The following PHLDB2 variants were observed in gnomAD, a reference collection of about 807,000 sequenced individuals.
PHLDB2 encodes the protein pleckstrin homology-like domain family B member 2.
Under a neutral mutation model 123.6 loss-of-function variants are expected in PHLDB2, and 71 were observed. The observed-to-expected ratio is 0.57, with a 90% CI of 0.47 to 0.70. The LOEUF (loss-of-function observed/expected upper bound fraction) is 0.70, where lower values mean the gene tolerates loss of function less well. Ranked by LOEUF, PHLDB2 falls within the 30% of genes least tolerant of loss-of-function variation. The probability of loss-of-function intolerance (pLI) is 0.00; values close to 1 mark genes in which losing one functional copy is unlikely to be tolerated. For synonymous variants in PHLDB2, 547 were observed against 541.6 expected (o/e 1.01, Z -0.14); for missense variants, 1,446 against 1,519.5 (o/e 0.95, Z 0.80).
chr3:111,964,142 T>G (rs2071598752), intron 13 of PHLDB2, among the ~76,000 whole-genome samples: 1 of 152,154 alleles, frequency 6.6e-6, no homozygotes, highest in African/African-American at 2.4e-5. Flanking sequence ...CCATGGGGAT[T>G]AGTTATCTGC....
rs765669908 is a variant in PHLDB2 at position 111,939,618 on chromosome 3, C to T, written c.2274C>T (p.Ile758=). The part of the protein sequence containing the change: ...LREVAEYQRN[I]VSRKEKISAL... The stretch of plus-strand genomic sequence containing the variant: ...AAGTTGCTGAATATCAACGGAACAT[C>T]GTTTCTAGAAAGGTACTTTTTCCAG... The change falls in exon 7 of 18, where the codon ATC becomes ATT. Residue 758 remains isoleucine, a synonymous_variant. Coordinates refer to ENST00000431670, the MANE Select transcript of PHLDB2 (RefSeq NM_001134438.2). 9 of 1,607,648 alleles carry T rather than the reference C, an allele frequency of 5.6e-6. No individual in the cohort carries two copies. The highest frequency in any genetic ancestry group is 2.2e-5 in the East Asian group (1 of 44,804).
chr3:111,865,610 G>A (rs1395716251), intron 1 of PHLDB2, among the ~76,000 whole-genome samples: 3 of 151,970 alleles, frequency 2.0e-5, no homozygotes, highest in African/African-American at 4.8e-5. Context: ...GCGAATTGAC[G>A]TGCTCCAGAT....
intron 1 of PHLDB2, among the ~76,000 whole-genome samples, chr3:111,790,271 G>C (rs1211903217): frequency 6.6e-6 from 1 of 152,142 alleles, no homozygotes; most frequent in East Asian, 1.9e-4. Context: ...CCAAGAAAGA[G>C]ACTCCTGCTG....
chr3:111,754,944 G>T (rs1243508909), intron 1 of PHLDB2, among the ~76,000 whole-genome samples: 2 of 151,398 alleles, frequency 1.3e-5, no homozygotes, highest in Non-Finnish European at 3.0e-5. Context: ...TTTATATGCT[G>T]GATTACATTT....
intron 1 of PHLDB2, among the ~76,000 whole-genome samples, chr3:111,803,613 A>G (rs1212926158): frequency 2.6e-5 from 4 of 152,192 alleles, no homozygotes; most frequent in African/African-American, 7.2e-5. Flanking sequence ...TGGCTAGCAC[A>G]TGAGTGGGAG....
chr3:111,971,642 C>T (rs925121595), intron 16 of PHLDB2, among the ~76,000 whole-genome samples: 1 of 152,188 alleles, frequency 6.6e-6, no homozygotes, highest in African/African-American at 2.4e-5. Context: ...CTCCTACCCC[C>T]ACCCCTGCTT....
In PHLDB2 at chr3:111,899,694, T is replaced by G. The variant is rs555089486; in HGVS notation, c.1336-13625T>G. 3.9e-5 allele frequency among the ~76,000 whole-genome samples: 6 copies of G among 152,340 alleles called. No individual in the cohort carries two copies. The East Asian group carries it at 1.2e-3, about 29-fold the overall frequency. ...CCTAAAAACAGAGTCAACCTATCCT[T>G]TGAAGATTTGAAGCCAGGCATTGAC... On this transcript the variant is annotated intron_variant, in intron 2 of 17. Coordinates refer to ENST00000431670, the MANE Select transcript of PHLDB2 (RefSeq NM_001134438.2).
At chr3:111,768,888 C>T (rs1258127311) in intron 1 of PHLDB2, among the ~76,000 whole-genome samples, 1 of 152,200 alleles carries the variant, frequency 6.6e-6, no homozygotes, top group African/African-American at 2.4e-5. Context: ...ATTGAACCCA[C>T]TCCCACTTCA....
At chr3:111,832,599 AT>A (rs1333220939) in intron 1 of PHLDB2, among the ~76,000 whole-genome samples, 1 of 145,364 alleles carries the variant, frequency 6.9e-6, no homozygotes, top group Non-Finnish European at 1.5e-5. Context: ...AATATTATAT[AT>A]TATCTCTATA....
chr3:111,820,765 G>A (rs2062333115), intron 1 of PHLDB2, among the ~76,000 whole-genome samples: 1 of 152,202 alleles, frequency 6.6e-6, no homozygotes, highest in Non-Finnish European at 1.5e-5. Flanking sequence ...AAAGAAGATA[G>A]GGCCAGAGGG....
intron 1 of PHLDB2, among the ~76,000 whole-genome samples, chr3:111,746,825 G>A (rs923554142): frequency 2.6e-5 from 4 of 152,090 alleles, no homozygotes; most frequent in African/African-American, 9.7e-5. Flanking sequence ...CAACTTTTTG[G>A]TATTTTAGAA....
In PHLDB2 at chr3:111,836,644, A is replaced by G. The variant is rs1446933615; in HGVS notation, c.-48-9177A>G. Among the ~76,000 whole-genome samples the G allele has an allele frequency of 3.3e-5, 5 of 152,298 alleles. No individual in the cohort carries two copies. The East Asian group carries it at 7.7e-4, about 24-fold the overall frequency. The stretch of plus-strand genomic sequence containing the variant: ...CCACCGGAGTCTGGGCAATTTATAA[A>G]GGAAAAAGATTTAATTGACTTACAG... On this transcript the variant is annotated intron_variant, in intron 1 of 17. Transcript: ENST00000393923.
At chr3:111,843,961 A>T (rs919069805) in intron 1 of PHLDB2, among the ~76,000 whole-genome samples, 1 of 152,198 alleles carries the variant, frequency 6.6e-6, no homozygotes, top group Non-Finnish European at 1.5e-5. Context: ...CTCAGTACGT[A>T]AAAAACTCAG....
At chr3:111,962,571 C>T (rs1346788247) in intron 13 of PHLDB2, among the ~76,000 whole-genome samples, 1 of 152,160 alleles carries the variant, frequency 6.6e-6, no homozygotes, top group South Asian at 2.1e-4. Flanking sequence ...CAAATTTACA[C>T]TGTGCTTTAA....
At chr3:111,751,855 T>A (rs1165277513) in intron 1 of PHLDB2, among the ~76,000 whole-genome samples, 2 of 151,972 alleles carry the variant, frequency 1.3e-5, no homozygotes, top group African/African-American at 2.4e-5. Flanking sequence ...AAAAATTTTT[T>A]AAAAAAGAGA....
intron 6 of PHLDB2, among the ~76,000 whole-genome samples, chr3:111,937,002 G>A (rs1322589722): frequency 3.9e-5 from 6 of 152,178 alleles, no homozygotes; most frequent in Non-Finnish European, 8.8e-5. Context: ...AATTTGAAAT[G>A]TCTGATTAAC....
intron 6 of PHLDB2, among the ~76,000 whole-genome samples, chr3:111,936,960 C>A (rs764743331): frequency 3.3e-5 from 5 of 152,172 alleles, no homozygotes; most frequent in Non-Finnish European, 7.4e-5. Context: ...TTCCTTAATT[C>A]TTTTAACTCA....
At position 111,864,896 on chromosome 3, in the gene PHLDB2, A is replaced by G. The variant is rs557264929; in HGVS notation, c.-15+5320A>G. 3.6e-3 allele frequency among the ~76,000 whole-genome samples: 556 copies of G among 152,346 alleles called. 7 individuals are homozygous for G. Among genetic ancestry groups the G allele is most frequent in the African/African-American group, 0.013 (530 of 41,592 alleles). On this transcript the variant is annotated intron_variant, in intron 1 of 17. Transcript: ENST00000431670. ...GCTAATTCAGTGGGAATTGGTGTTG[A>G]TCATCTTAGAATGTTTTGTTTGCAC...
chr3:111,935,056 A>T (rs2069386382), intron 6 of PHLDB2, among the ~76,000 whole-genome samples: 1 of 148,708 alleles, frequency 6.7e-6, no homozygotes, highest in Non-Finnish European at 1.5e-5. Flanking sequence ...TGTGCTTTTG[A>T]TATTTACTCA....
Sources: gnomAD v4.1 joint callset for allele counts (sites outside exome capture counted in the v4.1 genomes callset) on GRCh38, gnomAD v4.1.1 for gene constraint, MANE v1.5 for transcripts, NCBI Gene and HGNC (gene_info 2026-07-23, HGNC 2026-07-21) for gene names.